The following ERAP2 variants were observed in gnomAD, a reference collection of about 807,000 sequenced individuals.
ERAP2 encodes leukocyte-derived arginine aminopeptidase.
In ERAP2, 118 loss-of-function variants were observed where a neutral mutation model predicts 111.1. The ratio of observed to expected loss-of-function variants is 1.06; its 90% CI spans 0.92 to 1.24. ERAP2 has a LOEUF of 1.24. Among genes scored for constraint, ERAP2 ranks in the 50% most tolerant of loss-of-function variants. ERAP2 has a pLI of 0.00. For missense variants in ERAP2, 1,131 were observed against 1,125.8 expected, an observed-to-expected ratio of 1.00 and a Z score of -0.07; for synonymous variants, 410 against 401.2, an observed-to-expected ratio of 1.02 and a Z score of -0.26.
At chr5:96,889,128 A>G (rs1361885918) in intron 4 of ERAP2, 57 bp from the exon 5 acceptor site, 2 of 1,604,682 alleles carry the variant, frequency 1.2e-6, no homozygotes, top group African/African-American at 2.7e-5. Flanking sequence ...GTTATCAGGA[A>G]TGGAATTATG....
At chr5:96,895,192 G>C in intron 6 of ERAP2, 54 bp from the exon 7 acceptor site, 1 of 1,108,422 alleles carries the variant, frequency 9.0e-7, no homozygotes, top group Non-Finnish European at 1.3e-6. Context: ...TTTTGCTAAA[G>C]TTAATAATTT....
At position 96,880,168 on chromosome 5, in the gene ERAP2, A is replaced by G; in HGVS notation, c.483A>G (p.Lys161=). The G allele has an allele frequency of 6.2e-7, 1 of 1,614,112 alleles. No homozygotes were observed. The highest frequency in any genetic ancestry group is 8.5e-7 in the Non-Finnish European group (1 of 1,179,984). The part of the protein sequence containing the change: ...LVPEKLTPHL[K]YYVAMDFQAK... The stretch of plus-strand genomic sequence containing the variant: ...CAGAGAAACTTACGCCTCACCTGAA[A>G]TACTATGTGGCTATGGACTTCCAAG... The change falls in exon 2 of 19, where the codon AAA becomes AAG. Residue 161 remains lysine, a synonymous_variant. Transcript: ENST00000437043.
rs747972610 is a variant in ERAP2 at position 96,900,176 on chromosome 5, T to C, written c.1559T>C (p.Met520Thr). ...SGGVCHSDPK[M>T]TSNMLAFLGE... ...GGAGTTTGTCATTCGGATCCCAAGA[T>C]GACAAGTAACATGGTAAGGATAAAG... The change falls in exon 10 of 19, where the codon ATG becomes ACG. Residue 520 changes from methionine to threonine, a missense_variant. Met to Thr is a moderately conservative substitution (Grantham distance 81). This residue lies in a region of ERAP2 where 847 missense variants were observed against 856.5 expected (regional missense o/e 0.99). Coordinates refer to ENST00000437043, the MANE Select transcript of ERAP2 (RefSeq NM_022350.5). 7 of 1,613,772 alleles carry C rather than the reference T, an allele frequency of 4.3e-6. No homozygotes were observed. In the South Asian group the frequency reaches 6.6e-5, roughly 15 times the overall value.
chr5:96,890,086 G>T (rs1035680211), intron 5 of ERAP2, among the ~76,000 whole-genome samples: 7 of 152,102 alleles, frequency 4.6e-5, no homozygotes, highest in Non-Finnish European at 7.4e-5. Context: ...GTGGTAGTAG[G>T]TCTTTACATG....
Position 96,881,968 on chromosome 5 carries a change from G to C in ERAP2, c.575+1708G>C, listed in dbSNP as rs560016811. Among the ~76,000 whole-genome samples, 21 of 114,180 alleles carry C rather than the reference G, an allele frequency of 1.8e-4. No individual in the cohort carries two copies. In the South Asian group the frequency reaches 5.9e-3, roughly 32 times the overall value. The allele number at this position is 114,180 out of a possible 152,430, so 74.9% of individuals were successfully genotyped here. On this transcript the variant is annotated intron_variant, in intron 2 of 18. Coordinates refer to ENST00000437043, the MANE Select transcript of ERAP2 (RefSeq NM_022350.5). Reference sequence around the variant, plus strand: ...AAAATCAGGATTCCACTGGAACCAAGGAAGGGAAATGGGTATCAGGAAGTG... The same window carrying C: ...AAAATCAGGATTCCACTGGAACCAACGAAGGGAAATGGGTATCAGGAAGTG...
Position 96,880,207 on chromosome 5 carries a change from T to C in ERAP2, c.522T>C (p.Asp174=), listed in dbSNP as rs552083216. Residue 174 remains aspartate, a synonymous_variant, in exon 2 of 19, where the codon GAT becomes GAC. Coordinates refer to ENST00000437043, the MANE Select transcript of ERAP2 (RefSeq NM_022350.5). ...TGGACTTCCAAGCCAAGTTAGGTGA[T>C]GGCTTTGAAGGGTTTTATAAAAGCA... ...VAMDFQAKLG[D]GFEGFYKSTY... The C allele has an allele frequency of 2.5e-6, 4 of 1,614,100 alleles. No individual in the cohort carries two copies. Among genetic ancestry groups the C allele is most frequent in the African/African-American group, 2.7e-5 (2 of 75,054 alleles).
Position 96,912,805 on chromosome 5 carries a change from T to G in ERAP2, c.2516+7T>G, listed in dbSNP as rs1786947835. The G allele has an allele frequency of 2.5e-6, 4 of 1,585,214 alleles. No homozygotes were observed. Among genetic ancestry groups the G allele is most frequent in the Admixed American group, 2.0e-5 (1 of 51,032 alleles). On this transcript the variant is annotated splice_region_variant and intron_variant, in intron 16 of 18. Transcript: ENST00000437043. The stretch of plus-strand genomic sequence containing the variant: ...ATCAGGAAAAGTTACTGAAGTAAGT[T>G]CAATAATTTAACTAAATTGTTATAA...
At chr5:96,917,431 G>T (rs756837723) in intron 18 of ERAP2, 31 bp from the exon 19 acceptor site, 8 of 1,594,516 alleles carry the variant, frequency 5.0e-6, no homozygotes. Flanking sequence ...AAGACAAAGT[G>T]TTAGTAATTT....
At chr5:96,903,678 TCAAA>T in intron 13 of ERAP2, 118 bp downstream of exon 13, 1 of 945,300 alleles carries the variant, frequency 1.1e-6, no homozygotes, top group Non-Finnish European at 1.5e-6. Context: ...TGAATGGAAT[TCAAA>T]CAGTGATCAC....
At chr5:96,894,404 T>C (rs75632814) in intron 6 of ERAP2, among the ~76,000 whole-genome samples, 6,377 of 152,242 alleles carry the variant, frequency 0.042, 264 homozygotes, top group East Asian at 0.13. Flanking sequence ...TACAGACTTA[T>C]AATTTTCTGT....
intron 6 of ERAP2, among the ~76,000 whole-genome samples, chr5:96,894,771 TA>T (rs1290155416): frequency 6.6e-6 from 1 of 152,138 alleles, no homozygotes; most frequent in African/African-American, 2.4e-5. Flanking sequence ...CTGAGAGCCC[TA>T]AATGAATTCT....
At chr5:96,912,920 T>A in intron 16 of ERAP2, 122 bp downstream of exon 16, 1 of 743,924 alleles carries the variant, frequency 1.3e-6, no homozygotes, top group Non-Finnish European at 2.1e-6. Context: ...TGTATGGCTT[T>A]AACTTTACTT....
rs1480996517 is a variant in ERAP2 at position 96,889,201 on chromosome 5, C to T, written c.866C>T (p.Ser289Phe). ...SSGVKVSIYA[S>F]PDKRNQTHYA... ...ATTTCCCAGGTGTCCATCTATGCAT[C>T]CCCAGACAAACGGAATCAAACACAT... is the stretch of plus-strand genomic sequence containing the variant. The change falls in exon 5 of 19, where the codon TCC becomes TTC. Residue 289 changes from serine (S) to phenylalanine (F), a missense_variant. Ser to Phe is a radical substitution (Grantham distance 155, BLOSUM62 -2). Coordinates refer to ENST00000437043, the MANE Select transcript of ERAP2 (RefSeq NM_022350.5). The T allele has an allele frequency of 6.2e-7, 1 of 1,614,138 alleles. No individual in the cohort carries two copies. The highest frequency in any genetic ancestry group is 1.1e-5 in the South Asian group (1 of 91,082).
chr5:96,899,608 C>G (rs1785238019), intron 9 of ERAP2, among the ~76,000 whole-genome samples: 1 of 152,116 alleles, frequency 6.6e-6, no homozygotes, highest in Non-Finnish European at 1.5e-5. Flanking sequence ...ATTTTATTCC[C>G]AGTTAGTTCG....
At position 96,889,240 on chromosome 5, in the gene ERAP2, C is replaced by T. The variant is rs1370674751; in HGVS notation, c.905C>T (p.Ala302Val). ...KRNQTHYALQ[A>V]SLKLLDFYEK... ...AATCAAACACATTATGCTTTGCAGG[C>T]ATCACTGAAGCTACTTGATTTTTAT... Residue 302 changes from alanine to valine, a missense_variant, in exon 5 of 19, where the codon GCA becomes GTA. Coordinates refer to ENST00000437043, the MANE Select transcript of ERAP2 (RefSeq NM_022350.5). 6.2e-7 allele frequency: 1 copy of T among 1,613,824 alleles called. No individual in the cohort carries two copies. Among genetic ancestry groups the T allele is most frequent in the Admixed American group, 1.7e-5 (1 of 60,018 alleles).
Position 96,902,347 on chromosome 5 carries a change from A to G in ERAP2, c.1822A>G (p.Lys608Glu). Residue 608 changes from lysine to glutamate, a missense_variant, in exon 12 of 19, where the codon AAG (lysine) becomes GAG (glutamate). Transcript: ENST00000437043. ...NVIHRHILKS[K>E]TDTLDLPEKT... ...GATCCACAGACACATTCTAAAATCA[A>G]AGACAGGTAATGAACTAATTAGCCA... 6.2e-7 allele frequency: 1 copy of G among 1,606,594 alleles called. No homozygotes were observed. The highest frequency in any genetic ancestry group is 1.1e-5 in the South Asian group (1 of 90,872).
In ERAP2 at chr5:96,917,739, C is replaced by T. The variant is rs868592119; in HGVS notation, c.*134C>T. 16 of 569,464 alleles carry T rather than the reference C, an allele frequency of 2.8e-5. No homozygotes were observed. Among genetic ancestry groups the T allele is most frequent in the Middle Eastern group, 5.6e-4 (1 of 1,790 alleles). The allele number at this position is 569,464 out of a possible 1,614,324, so 35.3% of individuals were successfully genotyped here. A position where few individuals can be genotyped will look rare whatever the true frequency, so the allele number is the denominator to read the frequency against. ...GGCTAACACGGTGAGACCCCGTCTC[C>T]GCTAAAAATACAAAAAATTAGCCGG... is the stretch of plus-strand genomic sequence containing the variant. On this transcript the variant is annotated 3_prime_UTR_variant, in exon 19 of 19. Transcript: ENST00000437043.
chr5:96,900,416 C>G (rs767896894), intron 10 of ERAP2, among the ~76,000 whole-genome samples: 10 of 152,124 alleles, frequency 6.6e-5, no homozygotes, highest in African/African-American at 9.7e-5. Context: ...TCCCACAACC[C>G]CACTGCTAGC....
intron 2 of ERAP2, chr5:96,881,289 A>C (rs1243547796): frequency 2.5e-6 from 1 of 403,328 alleles, no homozygotes; most frequent in Non-Finnish European, 5.0e-6. Flanking sequence ...TCAGGTAAGA[A>C]GTGATGCTAA....
Sources: gnomAD v4.1 joint callset for allele counts (sites outside exome capture counted in the v4.1 genomes callset) on GRCh38, gnomAD v4.1.1 for gene constraint, gnomAD v4.1.1 regional missense constraint, MANE v1.5 for transcripts, NCBI Gene and HGNC (gene_info 2026-07-23, HGNC 2026-07-21) for gene names.